EPHA6: variants seen among roughly 807,000 people sequenced by gnomAD.
EPHA6 encodes ephrin type-A receptor 6.
EPHA6 carries 50 observed loss-of-function variants against 112.0 expected under a neutral mutation model. The ratio of observed to expected loss-of-function variants is 0.45; its 90% CI spans 0.36 to 0.56. The LOEUF (loss-of-function observed/expected upper bound fraction) is 0.56, where lower values mean the gene tolerates loss of function less well. Ranked by LOEUF, EPHA6 falls within the 20% of genes least tolerant of loss-of-function variation. The probability of loss-of-function intolerance (pLI) is 0.00; values close to 1 mark genes in which losing one functional copy is unlikely to be tolerated. For missense variants in EPHA6, 1,280 were observed against 1,417.4 expected, an observed-to-expected ratio of 0.90 and a Z score of 1.56; for synonymous variants, 529 against 490.7, an observed-to-expected ratio of 1.08 and a Z score of -1.03.
chr3:97,095,219 A>T (rs1237172861), intron 3 of EPHA6, among the ~76,000 whole-genome samples: 1 of 151,968 alleles, frequency 6.6e-6, no homozygotes, highest in Non-Finnish European at 1.5e-5. Flanking sequence ...CTGGTATGAG[A>T]TGGTATCTCA....
chr3:97,318,201 G>A (rs550716606), intron 5 of EPHA6, among the ~76,000 whole-genome samples: 10 of 151,958 alleles, frequency 6.6e-5, no homozygotes, highest in African/African-American at 2.2e-4. Flanking sequence ...AACTGAAAAC[G>A]TAAAGATGAC....
intron 16 of EPHA6, among the ~76,000 whole-genome samples, chr3:97,745,921 G>A (rs2107897706): frequency 6.6e-6 from 1 of 151,792 alleles, no homozygotes; most frequent in South Asian, 2.1e-4. Context: ...ACAATACCAG[G>A]GTTATATAGC....
At chr3:97,084,299 T>G (rs2108209000) in intron 3 of EPHA6, among the ~76,000 whole-genome samples, 1 of 151,332 alleles carries the variant, frequency 6.6e-6, no homozygotes, top group East Asian at 2.0e-4. Context: ...CCAAATATCC[T>G]TGACTTTGTC....
rs114482781 is a variant in EPHA6 at position 97,713,067 on chromosome 3, G to A, written c.2785-7194G>A. Reference sequence around the variant, plus strand: ...GTGTATTTCATAATCAGATGGAAGCGTAGGCTTAGAGTTAGGGTGGGGGAG... The same window carrying A: ...GTGTATTTCATAATCAGATGGAAGCATAGGCTTAGAGTTAGGGTGGGGGAG... On this transcript the variant is annotated intron_variant, in intron 14 of 17. Coordinates refer to ENST00000389672, the MANE Select transcript of EPHA6 (RefSeq NM_001080448.3). Among the ~76,000 whole-genome samples, 330 of 151,874 alleles carry A rather than the reference G, an allele frequency of 2.2e-3. 1 individual carries two copies. The highest frequency in any genetic ancestry group is 6.7e-3 in the African/African-American group (277 of 41,424).
chr3:97,339,821 C>A (rs2083220661), intron 5 of EPHA6, among the ~76,000 whole-genome samples: 1 of 152,146 alleles, frequency 6.6e-6, no homozygotes, highest in Non-Finnish European at 1.5e-5. Context: ...AGAAGCAGCT[C>A]ACATCCTGAA....
At chr3:96,846,185 A>G (rs1389627931) in intron 1 of EPHA6, among the ~76,000 whole-genome samples, 1 of 152,050 alleles carries the variant, frequency 6.6e-6, no homozygotes, top group Non-Finnish European at 1.5e-5. Flanking sequence ...CTTGTCCCTA[A>G]TGTAAACTGT....
At chr3:97,223,014 G>A (rs1041776572) in intron 3 of EPHA6, among the ~76,000 whole-genome samples, 3 of 152,180 alleles carry the variant, frequency 2.0e-5, no homozygotes, top group African/African-American at 7.2e-5. Flanking sequence ...CGTGGGTCAT[G>A]AGGTAGAGAT....
At position 97,638,126 on chromosome 3, in the gene EPHA6, T is replaced by C. The variant is rs1385361277; in HGVS notation, c.2784+44T>C. The C allele has an allele frequency of 3.6e-6, 5 of 1,403,510 alleles. No homozygotes were observed. In the South Asian group the frequency reaches 3.7e-5, roughly 10 times the overall value. The allele number at this position is 1,403,510 out of a possible 1,614,324, so 86.9% of individuals were successfully genotyped here. On this transcript the variant is annotated intron_variant, in intron 14 of 17. Transcript: ENST00000389672. Reference sequence around the variant, plus strand: ...TCCTAATATAGTCTGTTTACTTTTATTGTTTTTAATGTCATTAGAGTAATT... The same window carrying C: ...TCCTAATATAGTCTGTTTACTTTTACTGTTTTTAATGTCATTAGAGTAATT...
At chr3:97,135,758 C>T (rs1394484922) in intron 3 of EPHA6, among the ~76,000 whole-genome samples, 1 of 146,436 alleles carries the variant, frequency 6.8e-6, no homozygotes, top group Non-Finnish European at 1.5e-5. Flanking sequence ...AAAAAAAAGC[C>T]AAAAAAGGCC....
intron 3 of EPHA6, among the ~76,000 whole-genome samples, chr3:96,991,093 G>A (rs748376287): frequency 6.6e-6 from 1 of 151,958 alleles, no homozygotes; most frequent in Non-Finnish European, 1.5e-5. Context: ...AGGTTCAAGC[G>A]ATCCTCCTGC....
chr3:96,822,313 A>C (rs994327183), intron 1 of EPHA6, among the ~76,000 whole-genome samples: 2 of 151,918 alleles, frequency 1.3e-5, no homozygotes, highest in African/African-American at 4.8e-5. Flanking sequence ...TGAAGATGCT[A>C]AGTTTCCAAT....
At chr3:97,551,731 T>C (rs1332501165) in intron 11 of EPHA6, among the ~76,000 whole-genome samples, 1 of 152,150 alleles carries the variant, frequency 6.6e-6, no homozygotes, top group Non-Finnish European at 1.5e-5. Flanking sequence ...GAAATGATAG[T>C]ACACAAACAT....
rs553887066 is a variant in EPHA6 at position 96,890,739 on chromosome 3, A to G, written c.450+23850A>G. On this transcript the variant is annotated intron_variant, in intron 2 of 17. Transcript: ENST00000389672. ...CTCATACACCACTAGTGAGTGTGAA[A>G]ATTGGTATAACTACTTTGGGAAACT... Among the ~76,000 whole-genome samples, 13 of 152,326 alleles carry G rather than the reference A, an allele frequency of 8.5e-5. No homozygotes were observed. In the South Asian group the frequency reaches 2.5e-3, roughly 29 times the overall value.
intron 10 of EPHA6, among the ~76,000 whole-genome samples, chr3:97,512,816 C>T (rs141827508): frequency 4.5e-4 from 68 of 152,272 alleles, no homozygotes; most frequent in African/African-American, 1.5e-3. Flanking sequence ...CTGCCCACCT[C>T]GGCCTCCGAA....
chr3:96,980,822 A>G (rs995179821), intron 2 of EPHA6, among the ~76,000 whole-genome samples: 83 of 152,246 alleles, frequency 5.5e-4, no homozygotes, highest in African/African-American at 1.8e-3. Context: ...ATTGTGAATG[A>G]GAGTTCACTC....
At chr3:97,725,605 T>C (rs2034726856) in intron 15 of EPHA6, among the ~76,000 whole-genome samples, 1 of 152,148 alleles carries the variant, frequency 6.6e-6, no homozygotes, top group South Asian at 2.1e-4. Context: ...GCAGATGTTA[T>C]TGAAAAGACC....
At chr3:97,412,835 T>G (rs904196049) in intron 6 of EPHA6, among the ~76,000 whole-genome samples, 2 of 151,988 alleles carry the variant, frequency 1.3e-5, no homozygotes, top group Non-Finnish European at 2.9e-5. Context: ...GAAACTGTAC[T>G]GTTTGGAGGA....
At chr3:97,558,065 C>T (rs752786917) in intron 11 of EPHA6, among the ~76,000 whole-genome samples, 14 of 151,804 alleles carry the variant, frequency 9.2e-5, no homozygotes, top group South Asian at 4.2e-4. Flanking sequence ...AAAGTAGATC[C>T]GGCAATCAAT....
Position 97,448,705 on chromosome 3 carries a change from A to G in EPHA6, c.1869A>G (p.Lys623=). ...CAGGATACAGTGGCTACAGTCAGAA[A>G]TTTGAATTTGAAACAGGAGATGAAA... The part of the protein sequence containing the change: ...TATGYSGYSQ[K]FEFETGDETS... Residue 623 remains lysine (K), a synonymous_variant, in exon 7 of 18, where the codon AAA becomes AAG. Transcript: ENST00000389672. The G allele has an allele frequency of 6.2e-7, 1 of 1,613,440 alleles. No homozygotes were observed. The highest frequency in any genetic ancestry group is 8.5e-7 in the Non-Finnish European group (1 of 1,179,508).
Sources: gnomAD v4.1 joint callset for allele counts (sites outside exome capture counted in the v4.1 genomes callset) on GRCh38, gnomAD v4.1.1 for gene constraint, MANE v1.5 for transcripts, NCBI Gene and HGNC (gene_info 2026-07-23, HGNC 2026-07-21) for gene names.